Variants in LYSMD2 observed in about 807,000 individuals in gnomAD.
LYSMD2 encodes LysM domain containing 2.
In LYSMD2, 6 loss-of-function variants were observed where a neutral mutation model predicts 17.7. The ratio of observed to expected loss-of-function variants is 0.34; its 90% CI spans 0.19 to 0.67. LYSMD2 has a LOEUF of 0.67. LYSMD2 is among the 30% of genes least tolerant of loss of function. The pLI is 0.69. For missense variants in LYSMD2, 237 were observed against 286.7 expected, an observed-to-expected ratio of 0.83 and a Z score of 1.25; for synonymous variants, 102 against 129.8, an observed-to-expected ratio of 0.79 and a Z score of 1.45.
At chr15:51,750,433 T>C (rs1029147969) in intron 1 of LYSMD2, among the ~76,000 whole-genome samples, 2 of 152,352 alleles carry the variant, frequency 1.3e-5, no homozygotes, top group Admixed American at 6.5e-5. Flanking sequence ...TAAAATTTCA[T>C]ATAGAGATTA....
intron 1 of LYSMD2, among the ~76,000 whole-genome samples, chr15:51,744,753 A>G (rs2055658944): frequency 6.6e-6 from 1 of 152,162 alleles, no homozygotes. Context: ...GGTAGAATTC[A>G]CCAGCTAAAC....
At chr15:51,744,556 G>A (rs1306413548) in intron 1 of LYSMD2, among the ~76,000 whole-genome samples, 1 of 151,952 alleles carries the variant, frequency 6.6e-6, no homozygotes, top group Non-Finnish European at 1.5e-5. Context: ...TTAATATTTT[G>A]TTGAGGACTT....
At chr15:51,734,361 C>T (rs1199451599) in intron 1 of LYSMD2, among the ~76,000 whole-genome samples, 1 of 152,162 alleles carries the variant, frequency 6.6e-6, no homozygotes, top group Admixed American at 6.5e-5. Flanking sequence ...TGAGATATGC[C>T]CTGCTGCCAG....
chr15:51,747,141 A>G (rs1321527732), intron 1 of LYSMD2, among the ~76,000 whole-genome samples: 1 of 151,264 alleles, frequency 6.6e-6, no homozygotes, highest in Non-Finnish European at 1.5e-5. Flanking sequence ...CAGAGGTTGC[A>G]GTGAGCCGAG....
upstream of LYSMD2, among the ~76,000 whole-genome samples, chr15:51,740,688 C>T (rs995751425): frequency 1.3e-5 from 2 of 152,050 alleles, no homozygotes; most frequent in Non-Finnish European, 2.9e-5. Context: ...AATTGCATCA[C>T]TCAATCATAT....
At chr15:51,750,992 C>G (rs2055696945) in intron 1 of LYSMD2, among the ~76,000 whole-genome samples, 1 of 152,230 alleles carries the variant, frequency 6.6e-6, no homozygotes, top group Admixed American at 6.5e-5. Context: ...GTGCCAGATC[C>G]TAAGTGCTAT....
chr15:51,733,322 G>T (rs2055588141), intron 1 of LYSMD2, among the ~76,000 whole-genome samples: 1 of 150,704 alleles, frequency 6.6e-6, no homozygotes. Context: ...ATCAATATAA[G>T]ATACATTTTC....
chr15:51,748,474 A>AG (rs2141605101), intron 1 of LYSMD2, among the ~76,000 whole-genome samples: 1 of 152,296 alleles, frequency 6.6e-6, no homozygotes, highest in East Asian at 1.9e-4. Context: ...GCAGTCTTTC[A>AG]GTCCATCCAA....
upstream of LYSMD2, among the ~76,000 whole-genome samples, chr15:51,742,074 G>A (rs1430581365): frequency 6.7e-6 from 1 of 150,038 alleles, no homozygotes; most frequent in East Asian, 1.9e-4. Context: ...TCGCTCTGTC[G>A]CCCTGGCTGG....
At chr15:51,750,933 A>AAAACCCC (rs1210903034) in intron 1 of LYSMD2, among the ~76,000 whole-genome samples, 1 of 152,198 alleles carries the variant, frequency 6.6e-6, no homozygotes, top group African/African-American at 2.4e-5. Flanking sequence ...CCGGCCCAAG[A>AAAACCCC]ACTCCCTCGG....
Position 51,732,576 on chromosome 15 carries a change from T to C in LYSMD2, c.273+4774A>G, listed in dbSNP as rs1466277. On this transcript the variant is annotated intron_variant, in intron 1 of 2. Coordinates refer to ENST00000267838, the MANE Select transcript of LYSMD2 (RefSeq NM_153374.3). ...CTATTAATGGCTAAAAAGGTGATGGTAGGAAAGAGTCATAATGATCTTTCC... is the reference window on the plus strand; with the variant it reads ...CTATTAATGGCTAAAAAGGTGATGGCAGGAAAGAGTCATAATGATCTTTCC... Among the ~76,000 whole-genome samples, 738 of 152,282 alleles carry C rather than the reference T, an allele frequency of 4.8e-3. 5 individuals carry two copies. The highest frequency in any genetic ancestry group is 0.017 in the African/African-American group (709 of 41,558).
chr15:51,740,819 G>T (rs545271789), upstream of LYSMD2, among the ~76,000 whole-genome samples: 7 of 151,544 alleles, frequency 4.6e-5, no homozygotes, highest in Admixed American at 1.3e-4. Flanking sequence ...TAAATAAAAA[G>T]ATAAAAAATA....
At chr15:51,734,152 C>G (rs1273464664) in intron 1 of LYSMD2, among the ~76,000 whole-genome samples, 1 of 152,136 alleles carries the variant, frequency 6.6e-6, no homozygotes, top group Non-Finnish European at 1.5e-5. Context: ...CACTGCACTC[C>G]AGCCAGGGTG....
At chr15:51,728,976 T>C (rs1165191837) in intron 1 of LYSMD2, among the ~76,000 whole-genome samples, 1 of 152,212 alleles carries the variant, frequency 6.6e-6, no homozygotes, top group Non-Finnish European at 1.5e-5. Flanking sequence ...TGCTTTGAGA[T>C]GTCACAAAAG....
Position 51,737,268 on chromosome 15 carries a change from C to CTG in LYSMD2, c.273+81_273+82insCA. On this transcript the variant is annotated intron_variant, in intron 1 of 2. Transcript: ENST00000267838. This position sits in a 1 kb window ranked among gnomAD's most constrained non-coding sequence, Gnocchi z 4.2. ...CCCAAACCCCCACCCGCAGTCCCAC[C>CTG]CCCACCCCCACCGCACCCCGAGCCG... The CTG allele has an allele frequency of 1.2e-6, 1 of 835,560 alleles. No homozygotes were observed. Among genetic ancestry groups the CTG allele is most frequent in the Non-Finnish European group, 1.6e-6 (1 of 622,524 alleles). The allele number at this position is 835,560 out of a possible 1,614,324, so 51.8% of individuals were successfully genotyped here.
At chr15:51,729,409 T>C (rs2055562291) in intron 1 of LYSMD2, among the ~76,000 whole-genome samples, 1 of 152,152 alleles carries the variant, frequency 6.6e-6, no homozygotes, top group African/African-American at 2.4e-5. Flanking sequence ...AACTGAAAAA[T>C]ACAAAATGGT....
At chr15:51,731,789 G>A (rs1469937866) in intron 1 of LYSMD2, among the ~76,000 whole-genome samples, 1 of 152,082 alleles carries the variant, frequency 6.6e-6, no homozygotes, top group African/African-American at 2.4e-5. Context: ...GCCTAGAGCT[G>A]GTCAATTTCC....
intron 1 of LYSMD2, among the ~76,000 whole-genome samples, chr15:51,725,325 T>C (rs1443002482): frequency 6.6e-6 from 1 of 152,242 alleles, no homozygotes; most frequent in Non-Finnish European, 1.5e-5. Context: ...TCCCAATTTT[T>C]AAAAAGGACA....
rs559325449 is a variant in LYSMD2, at chr15:51,736,396, T to C, written c.273+954A>G. On this transcript the variant is annotated intron_variant, in intron 1 of 2. Coordinates refer to ENST00000267838, the MANE Select transcript of LYSMD2 (RefSeq NM_153374.3). Reference sequence around the variant, plus strand: ...GCACAGCAAGGTCCCTTTCAAAATATTTCAAAGATAGAAGGACCTGATAGG... The same window carrying C: ...GCACAGCAAGGTCCCTTTCAAAATACTTCAAAGATAGAAGGACCTGATAGG... 2.0e-5 allele frequency among the ~76,000 whole-genome samples: 3 copies of C among 152,354 alleles called. No homozygotes were observed. In the South Asian group the frequency reaches 6.2e-4, roughly 32 times the overall value.
Sources: gnomAD v4.1 joint callset for allele counts (sites outside exome capture counted in the v4.1 genomes callset) on GRCh38, gnomAD v4.1.1 for gene constraint, Gnocchi (gnomAD v3.1) non-coding constraint, MANE v1.5 for transcripts, NCBI Gene and HGNC (gene_info 2026-07-23, HGNC 2026-07-21) for gene names.